The following ST3GAL3 variants were observed in gnomAD, a reference collection of about 807,000 sequenced individuals.
The protein encoded by ST3GAL3 is ST3 beta-galactoside alpha-2,3-sialyltransferase 3.
A neutral mutation model predicts 50.1 loss-of-function variants in ST3GAL3; 21 were observed. The ratio of observed to expected loss-of-function variants is 0.42; its 90% CI spans 0.30 to 0.60. The LOEUF (loss-of-function observed/expected upper bound fraction) is 0.60. ST3GAL3 is among the 20% of genes least tolerant of loss of function. The pLI is 0.19. For synonymous variants in ST3GAL3, 183 were observed against 190.0 expected (o/e 0.96, Z 0.30); for missense variants, 353 against 489.4 (o/e 0.72, Z 2.63).
At chr1:43,876,471 C>G (rs1383094425) in intron 5 of ST3GAL3, among the ~76,000 whole-genome samples, 1 of 152,144 alleles carries the variant, frequency 6.6e-6, no homozygotes, top group South Asian at 2.1e-4. Flanking sequence ...AGGCTCTTAG[C>G]TGTCAGGTAT....
chr1:43,879,406 G>C lies in ST3GAL3; in HGVS notation c.303-14977G>C, dbSNP rs1467106535. On this transcript the variant is annotated intron_variant, in intron 5 of 11. Transcript: ENST00000347631. ...TGATTTATCATCCTGGCCTCCTCGA[G>C]AGAATGGACTCTGAGAGAAAGACAA... 6.6e-6 allele frequency: 3 copies of C among 456,156 alleles called. No individual in the cohort carries two copies. In the East Asian group the frequency reaches 2.1e-4, roughly 32 times the overall value. The allele number at this position is 456,156 out of a possible 1,614,324, so 28.3% of individuals were successfully genotyped here.
intron 5 of ST3GAL3, among the ~76,000 whole-genome samples, chr1:43,878,658 C>G (rs370363117): frequency 2.4e-4 from 36 of 152,170 alleles, no homozygotes; most frequent in African/African-American, 8.4e-4. Flanking sequence ...TGAGGGAGAT[C>G]ATAGATGGCC....
intron 3 of ST3GAL3, among the ~76,000 whole-genome samples, chr1:43,808,173 G>A (rs922209762): frequency 3.3e-5 from 5 of 151,748 alleles, no homozygotes; most frequent in Admixed American, 6.6e-5. Context: ...GCATAGTGGC[G>A]GGCGCCTGTA....
At chr1:43,863,697 C>T (rs1383455150) in intron 5 of ST3GAL3, among the ~76,000 whole-genome samples, 2 of 152,164 alleles carry the variant, frequency 1.3e-5, no homozygotes, top group African/African-American at 2.4e-5. Flanking sequence ...GTATGATGTT[C>T]TTAATCCTGG....
chr1:43,879,404 G>T, intron 5 of ST3GAL3: 1 of 456,228 alleles, frequency 2.2e-6, no homozygotes, highest in South Asian at 1.5e-5. Context: ...TGGCCTCCTC[G>T]AGAGAATGGA....
At chr1:43,851,992 T>C (rs899348035) in intron 5 of ST3GAL3, among the ~76,000 whole-genome samples, 2 of 152,190 alleles carry the variant, frequency 1.3e-5, no homozygotes, top group Non-Finnish European at 2.9e-5. Flanking sequence ...CCCCAAATGC[T>C]GTGTGAAGCA....
At chr1:43,742,847 A>G (rs1262936436) in intron 2 of ST3GAL3, among the ~76,000 whole-genome samples, 1 of 152,190 alleles carries the variant, frequency 6.6e-6, no homozygotes, top group African/African-American at 2.4e-5. Flanking sequence ...CATGAGTTTG[A>G]AGAGAACACA....
intron 4 of ST3GAL3, among the ~76,000 whole-genome samples, chr1:43,817,876 C>CCTCCTCCTT (rs879497293): frequency 0.38 from 53,030 of 140,246 alleles, 10,744 homozygotes; most frequent in East Asian, 0.57. Context: ...TCCTCCTCCT[C>CCTCCTCCTT]CTCCTCCTTC....
chr1:43,920,625 G>T lies in ST3GAL3; in HGVS notation c.891+75G>T. Reference sequence around the variant, plus strand: ...TGCCTTGGAAGGAAGGGTGGGTGGTGGGTGGGGCAGTGCTTCTGCAAAATA... The same window carrying T: ...TGCCTTGGAAGGAAGGGTGGGTGGTTGGTGGGGCAGTGCTTCTGCAAAATA... On this transcript the variant is annotated intron_variant, in intron 10 of 11. Coordinates refer to ENST00000347631, the MANE Select transcript of ST3GAL3 (RefSeq NM_006279.5). 9 of 1,603,506 alleles carry T rather than the reference G, an allele frequency of 5.6e-6. 1 individual carries two copies. The highest frequency in any genetic ancestry group is 7.7e-6 in the Non-Finnish European group (9 of 1,172,186).
rs957897180 is a variant in ST3GAL3, at chr1:43,808,477, G to GA, written c.167-6405dup. ...AGGAGAAACGACTGAGAAAAAAACA[G>GA]AAAAAAAAATATGGAAATATTTTCA... is the stretch of plus-strand genomic sequence containing the variant. On this transcript the variant is annotated intron_variant, in intron 3 of 11. Transcript: ENST00000347631. Among the ~76,000 whole-genome samples, 15 of 151,210 alleles carry GA rather than the reference G, an allele frequency of 9.9e-5. No homozygotes were observed. The East Asian group carries it at 2.3e-3, about 23-fold the overall frequency.
chr1:43,847,660 G>A (rs1164793104), intron 5 of ST3GAL3, among the ~76,000 whole-genome samples: 1 of 152,186 alleles, frequency 6.6e-6, no homozygotes, highest in East Asian at 1.9e-4. Context: ...ATTGTTTAAT[G>A]CATATAGAGT....
At position 43,894,446 on chromosome 1, in the gene ST3GAL3, G is replaced by GTTCGTGCC. The variant is rs1386253786; in HGVS notation, c.367_374dup (p.Pro126SerfsTer13). On this transcript the variant is annotated frameshift_variant, in exon 6 of 12. Transcript: ENST00000347631. LOFTEE classifies it high-confidence loss of function. ...TTCGCAAGTGGGCTAGAATCCGGGA[G>GTTCGTGCC]TTCGTGCCGCCTTTTGGGATCAAAG... 6.2e-7 allele frequency: 1 copy of GTTCGTGCC among 1,614,008 alleles called. No individual in the cohort carries two copies. The highest frequency in any genetic ancestry group is 1.7e-5 in the Admixed American group (1 of 59,990).
Position 43,721,295 on chromosome 1 carries a change from CTTTTTTTTTT to C in ST3GAL3, c.-31+13616_-31+13625del, listed in dbSNP as rs35508020. ...AGAAATGAAGTACCTATAATTAAAC[CTTTTTTTTTT>C]TTTTTTTTTTTTTAATGAGACGGAG... is the stretch of plus-strand genomic sequence containing the variant. On this transcript the variant is annotated intron_variant, in intron 1 of 11. Transcript: ENST00000347631. Among the ~76,000 whole-genome samples the C allele has an allele frequency of 4.5e-3, 445 of 99,846 alleles. 10 individuals are homozygous for C. The highest frequency in any genetic ancestry group is 0.017 in the African/African-American group (427 of 25,774). 65.5% of individuals were successfully genotyped at this position (99,846 alleles called of 152,430 possible). A position where few individuals can be genotyped will look rare whatever the true frequency, so the allele number is the denominator to read the frequency against.
chr1:43,780,404 G>C (rs1373745580), intron 2 of ST3GAL3, among the ~76,000 whole-genome samples: 1 of 152,024 alleles, frequency 6.6e-6, no homozygotes, highest in Non-Finnish European at 1.5e-5. Context: ...TTTTCATACT[G>C]TGCTGGACAC....
At chr1:43,822,985 G>A (rs1261879689) in intron 4 of ST3GAL3, among the ~76,000 whole-genome samples, 3 of 152,128 alleles carry the variant, frequency 2.0e-5, no homozygotes, top group Non-Finnish European at 4.4e-5. Context: ...ATCAAATACT[G>A]TAGCATCATT....
chr1:43,899,082 G>T lies in ST3GAL3; in HGVS notation c.462-86G>T. On this transcript the variant is annotated intron_variant, in intron 7 of 11. Transcript: ENST00000347631. The surrounding 1 kb of genome is among the most constrained non-coding windows in gnomAD (Gnocchi z 5.4). Reference sequence around the variant, plus strand: ...TCTATCCCAGCCTGGTCCTGGACAAGGGCGTGGGGTCAAGGGCCAAAGGAG... The same window carrying T: ...TCTATCCCAGCCTGGTCCTGGACAATGGCGTGGGGTCAAGGGCCAAAGGAG... The T allele has an allele frequency of 6.3e-7, 1 of 1,588,190 alleles. No homozygotes were observed.
intron 5 of ST3GAL3, among the ~76,000 whole-genome samples, chr1:43,853,697 G>C (rs71636612): frequency 6.6e-6 from 1 of 152,188 alleles, no homozygotes; most frequent in Non-Finnish European, 1.5e-5. Flanking sequence ...TTTTGTTTTA[G>C]GAAGGCTGGG....
At chr1:43,891,997 G>A (rs1398370235) in intron 5 of ST3GAL3, among the ~76,000 whole-genome samples, 4 of 152,210 alleles carry the variant, frequency 2.6e-5, no homozygotes, top group African/African-American at 9.6e-5. Flanking sequence ...AGGCTGTAGT[G>A]CAGTGGCGTG....
chr1:43,797,911 A>G (rs552844819), intron 3 of ST3GAL3, among the ~76,000 whole-genome samples: 50 of 152,354 alleles, frequency 3.3e-4, no homozygotes, highest in African/African-American at 1.2e-3. Flanking sequence ...GTCAAAACAC[A>G]GAAGTTCATC....
Sources: gnomAD v4.1 joint callset for allele counts (sites outside exome capture counted in the v4.1 genomes callset) on GRCh38, gnomAD v4.1.1 for gene constraint, Gnocchi (gnomAD v3.1) non-coding constraint, MANE v1.5 for transcripts, NCBI Gene and HGNC (gene_info 2026-07-23, HGNC 2026-07-21) for gene names.